The following OPHN1 variants were observed in gnomAD, a reference collection of about 807,000 sequenced individuals.
OPHN1 encodes the protein oligophrenin-1.
Under a neutral mutation model 60.7 loss-of-function variants are expected in OPHN1, and 11 were observed. That is an observed-to-expected ratio of 0.18 (90% CI 0.11 to 0.30). The LOEUF is 0.30. Among genes scored for constraint, OPHN1 ranks in the 10% least tolerant of loss-of-function variants. OPHN1 has a pLI of 1.00. For synonymous variants in OPHN1, 226 were observed against 222.6 expected, an observed-to-expected ratio of 1.02 and a Z score of -0.14; for missense variants, 449 against 611.0, an observed-to-expected ratio of 0.73 and a Z score of 2.80.
intron 3 of OPHN1, among the ~76,000 whole-genome samples, chrX:68,287,729 A>G (rs898353302): frequency 8.9e-6 from 1 of 112,186 alleles, no homozygotes; most frequent in Non-Finnish European, 1.9e-5. Flanking sequence ...GCAAATTAAA[A>G]TGTCATAGAG....
At chrX:68,133,654 G>A (rs2077207540) in intron 15 of OPHN1, among the ~76,000 whole-genome samples, 2 of 111,997 alleles carry the variant, frequency 1.8e-5, no homozygotes, top group Admixed American at 9.5e-5. Context: ...CCAGTAAACA[G>A]CTGTGCCCTA....
intron 4 of OPHN1, among the ~76,000 whole-genome samples, chrX:68,278,612 G>A (rs188884221): frequency 2.6e-5 from 3 of 113,682 alleles, no homozygotes; most frequent in East Asian, 2.8e-4. Context: ...TGGGCCAGGC[G>A]CAGTGGCTTG....
chrX:68,310,083 T>G (rs767078823), intron 2 of OPHN1, among the ~76,000 whole-genome samples: 1 of 112,301 alleles, frequency 8.9e-6, no homozygotes, highest in African/African-American at 3.2e-5. Flanking sequence ...TAACCCTGTA[T>G]TTCCTCTAGG....
At chrX:68,052,407 G>A (rs1455253430) in intron 23 of OPHN1, 133 bp downstream of exon 23, 16 of 599,931 alleles carry the variant, frequency 2.7e-5, no homozygotes, top group Admixed American at 2.7e-5. Context: ...AATTGGGGAA[G>A]AGAAAGTGAC....
intron 2 of OPHN1, among the ~76,000 whole-genome samples, chrX:68,355,749 C>T (rs962007749): frequency 2.7e-5 from 3 of 111,962 alleles, no homozygotes; most frequent in Non-Finnish European, 5.6e-5. Flanking sequence ...ATAAAAATAG[C>T]GAAGTGTGGC....
At chrX:68,381,496 T>C (rs1462511987) in intron 2 of OPHN1, among the ~76,000 whole-genome samples, 3 of 111,677 alleles carry the variant, frequency 2.7e-5, no homozygotes, top group African/African-American at 9.8e-5. Flanking sequence ...ACAGTCTGAT[T>C]TGCACAAAGG....
rs191940355 is a variant in OPHN1, at chrX:68,051,086, C to T, written c.2375+1454G>A. The stretch of plus-strand genomic sequence containing the variant: ...GCTAGAATGAACTGCTGTGCAGAAT[C>T]ATGTCCTAGTGTGTCAGTTCCCATA... On this transcript the variant is annotated intron_variant, in intron 23 of 24. Transcript: ENST00000355520. Among the ~76,000 whole-genome samples the T allele has an allele frequency of 2.8e-4, 31 of 111,748 alleles. No homozygotes were observed. The Admixed American group carries it at 2.8e-3, about 10-fold the overall frequency.
chrX:68,098,475 A>G (rs753608778), intron 18 of OPHN1, among the ~76,000 whole-genome samples: 15 of 111,667 alleles, frequency 1.3e-4, no homozygotes, highest in African/African-American at 4.6e-4. Flanking sequence ...ACCAAGGCTA[A>G]GGCCCAGAAG....
chrX:68,400,747 G>A (rs756827548), intron 2 of OPHN1, among the ~76,000 whole-genome samples: 5 of 108,904 alleles, frequency 4.6e-5, no homozygotes, highest in African/African-American at 1.0e-4. Flanking sequence ...GATTACAGGC[G>A]TGCACCACCA....
chrX:68,079,785 A>AATTTTTT (rs2037123244), intron 19 of OPHN1, among the ~76,000 whole-genome samples: 1 of 111,785 alleles, frequency 8.9e-6, no homozygotes, highest in South Asian at 3.7e-4. Flanking sequence ...CGTCCCTTAA[A>AATTTTTT]ATTTTTTATT....
chrX:68,066,123 G>A (rs746857715), intron 20 of OPHN1, among the ~76,000 whole-genome samples: 2 of 112,434 alleles, frequency 1.8e-5, no homozygotes, highest in African/African-American at 6.5e-5. Context: ...CTTCCAGGAC[G>A]TGCCTTGTGG....
intron 5 of OPHN1, among the ~76,000 whole-genome samples, chrX:68,259,002 C>T (rs961612421): frequency 1.8e-5 from 2 of 112,033 alleles, no homozygotes; most frequent in African/African-American, 6.5e-5. Flanking sequence ...AATTTGGCAA[C>T]ACATCTAGTA....
At chrX:68,270,597 G>A (rs1297714233) in intron 5 of OPHN1, among the ~76,000 whole-genome samples, 1 of 72,000 alleles carries the variant, frequency 1.4e-5, no homozygotes, top group African/African-American at 5.4e-5. Context: ...TGTGGGGTGG[G>A]GGGAGGGGGG....
intron 6 of OPHN1, among the ~76,000 whole-genome samples, chrX:68,225,501 T>C (rs2077686317): frequency 8.9e-6 from 1 of 111,790 alleles, no homozygotes; most frequent in African/African-American, 3.2e-5. Context: ...CTCATACAGC[T>C]GGGTGCCCCT....
rs1469006616 is a variant in OPHN1, at chrX:68,097,021, T to C, written c.1535A>G (p.Glu512Gly). 1.7e-6 allele frequency: 2 copies of C among 1,206,223 alleles called. No individual in the cohort carries two copies. The highest frequency in any genetic ancestry group is 5.9e-5 in the East Asian group (2 of 33,768). Residue 512 changes from glutamate (E) to glycine (G), a missense_variant, in exon 19 of 25, where the codon GAG (glutamate) becomes GGG (glycine). Physicochemically the swap from Glu to Gly is moderately conservative, Grantham distance 98. Transcript: ENST00000355520. ...LLIRHLVNVC[E>G]HSKENLMTPS... ...GGTCATAAGATTCTCTTTGCTGTGC[T>C]CACACACACTGCCAGAAGAAAAGGG...
chrX:68,332,252 A>G (rs1472986617), intron 2 of OPHN1, among the ~76,000 whole-genome samples: 1 of 110,977 alleles, frequency 9.0e-6, no homozygotes, highest in Non-Finnish European at 1.9e-5. Flanking sequence ...TTTCATTTCC[A>G]ACATGACGTT....
intron 2 of OPHN1, among the ~76,000 whole-genome samples, chrX:68,383,807 A>G (rs1173845614): frequency 9.1e-6 from 1 of 110,159 alleles, no homozygotes; most frequent in African/African-American, 3.3e-5. Flanking sequence ...TGGTAGTCTG[A>G]GGCAAAAATT....
At chrX:68,087,008 TA>T (rs1290637366) in intron 19 of OPHN1, among the ~76,000 whole-genome samples, 6 of 112,301 alleles carry the variant, frequency 5.3e-5, no homozygotes, top group Non-Finnish European at 7.5e-5. Flanking sequence ...ATTTTAAGTT[TA>T]AAAATAACTC....
Position 68,074,046 on chromosome X carries a change from T to C in OPHN1, c.1687-747A>G, listed in dbSNP as rs746547112. Reference sequence around the variant, plus strand: ...TAATGTCTCATGTGTACTTAAGGATTTTCCAGTCTCCATGGAGACCAACCT... The same window carrying C: ...TAATGTCTCATGTGTACTTAAGGATCTTCCAGTCTCCATGGAGACCAACCT... On this transcript the variant is annotated intron_variant, in intron 19 of 24. Coordinates refer to ENST00000355520, the MANE Select transcript of OPHN1 (RefSeq NM_002547.3). 3.6e-5 allele frequency among the ~76,000 whole-genome samples: 4 copies of C among 112,370 alleles called. No homozygotes were observed. The East Asian group carries it at 1.1e-3, about 31-fold the overall frequency.
Sources: allele counts gnomAD v4.1 joint callset (sites outside exome capture counted in the v4.1 genomes callset), GRCh38; gene constraint gnomAD v4.1.1; transcripts MANE v1.5; gene names NCBI Gene and HGNC (gene_info 2026-07-23, HGNC 2026-07-21).